The following EDAR variants were observed in gnomAD, a reference collection of about 807,000 sequenced individuals.
EDAR encodes ectodysplasin A receptor.
A neutral mutation model predicts 51.3 loss-of-function variants in EDAR; 38 were observed. The ratio of observed to expected loss-of-function variants is 0.74; its 90% CI spans 0.57 to 0.97. The LOEUF is 0.97. Ranked by LOEUF, EDAR falls within the 50% of genes least tolerant of loss-of-function variation. EDAR has a pLI of 0.00. For synonymous variants in EDAR, 227 were observed against 242.1 expected (o/e 0.94, Z 0.58); for missense variants, 528 against 595.0 (o/e 0.89, Z 1.17).
At chr2:108,985,025 T>C (rs1014406058) in intron 1 of EDAR, among the ~76,000 whole-genome samples, 1 of 152,224 alleles carries the variant, frequency 6.6e-6, no homozygotes, top group African/African-American at 2.4e-5. Context: ...TGCCCTCTCA[T>C]TTTTTGCTTG....
At chr2:108,966,432 C>T (rs916701900) in intron 1 of EDAR, among the ~76,000 whole-genome samples, 1 of 152,248 alleles carries the variant, frequency 6.6e-6, no homozygotes, top group Admixed American at 6.5e-5. Flanking sequence ...TCTGGAGTGA[C>T]TCCTCACAGG....
intron 1 of EDAR, among the ~76,000 whole-genome samples, chr2:108,977,412 G>A (rs1698342140): frequency 6.6e-6 from 1 of 152,206 alleles, no homozygotes; most frequent in Non-Finnish European, 1.5e-5. Context: ...GGGACTACAG[G>A]CACCCGCCAC....
At chr2:108,899,697 C>G (rs1222179627) in intron 11 of EDAR, among the ~76,000 whole-genome samples, 1 of 152,116 alleles carries the variant, frequency 6.6e-6, no homozygotes, top group Non-Finnish European at 1.5e-5. Flanking sequence ...AATAATAACA[C>G]CAGTAAGGCT....
At chr2:108,952,602 T>C (rs2104372981) in intron 1 of EDAR, among the ~76,000 whole-genome samples, 1 of 152,394 alleles carries the variant, frequency 6.6e-6, no homozygotes, top group Admixed American at 6.5e-5. Context: ...ATTCTCCATC[T>C]GTTCACTCAT....
intron 5 of EDAR, among the ~76,000 whole-genome samples, 194 bp downstream of exon 5, chr2:108,923,174 C>T (rs1246680495): frequency 6.6e-6 from 1 of 152,224 alleles, no homozygotes; most frequent in Non-Finnish European, 1.5e-5. Context: ...CAGCCTCTGA[C>T]TCAAGGCTCA....
rs186159504 is a variant in EDAR at position 108,912,077 on chromosome 2, C to T, written c.529+601G>A. 9.8e-5 allele frequency among the ~76,000 whole-genome samples: 15 copies of T among 152,318 alleles called. No individual in the cohort carries two copies. The East Asian group carries it at 2.7e-3, about 27-fold the overall frequency. On this transcript the variant is annotated intron_variant, in intron 6 of 11. Coordinates refer to ENST00000258443, the MANE Select transcript of EDAR (RefSeq NM_022336.4). ...GTGGGAGGCCCAGAGATGAAGCTGA[C>T]GAGCTGGGTGCTCTGAGGGCTCTGG...
At chr2:108,919,689 G>A (rs963594544) in intron 5 of EDAR, among the ~76,000 whole-genome samples, 1 of 152,166 alleles carries the variant, frequency 6.6e-6, no homozygotes, top group East Asian at 1.9e-4. Flanking sequence ...GATTTCTGCT[G>A]CCCAGTGTCC....
At chr2:108,907,158 A>T (rs1251682776) in intron 10 of EDAR, among the ~76,000 whole-genome samples, 1 of 152,198 alleles carries the variant, frequency 6.6e-6, no homozygotes, top group Non-Finnish European at 1.5e-5. Context: ...CAGTTTCTAC[A>T]TGTGAACCTG....
chr2:108,925,121 A>G (rs193183602), intron 4 of EDAR, among the ~76,000 whole-genome samples: 3 of 150,756 alleles, frequency 2.0e-5, no homozygotes, highest in Non-Finnish European at 3.0e-5. Context: ...CTCCAGGGCA[A>G]GCCTTGTTCA....
intron 11 of EDAR, among the ~76,000 whole-genome samples, chr2:108,902,324 G>A (rs367645369): frequency 6.6e-5 from 10 of 152,104 alleles, no homozygotes; most frequent in South Asian, 4.2e-4. Context: ...TGCAGTGAGC[G>A]AGGATTGTGC....
intron 1 of EDAR, among the ~76,000 whole-genome samples, chr2:108,983,553 A>C (rs1189409382): frequency 6.6e-6 from 1 of 152,146 alleles, no homozygotes; most frequent in African/African-American, 2.4e-5. Context: ...TCAAGTCAAC[A>C]ATCCCGCCCT....
intron 1 of EDAR, among the ~76,000 whole-genome samples, chr2:108,954,679 T>C (rs938092173): frequency 6.8e-6 from 1 of 146,500 alleles, no homozygotes; most frequent in African/African-American, 2.5e-5. Flanking sequence ...GAAGATAATC[T>C]TTTTTTTTTT....
chr2:108,983,890 C>T (rs142845611), intron 1 of EDAR, among the ~76,000 whole-genome samples: 11 of 152,288 alleles, frequency 7.2e-5, no homozygotes, highest in Admixed American at 4.6e-4. Flanking sequence ...ATCTCACACC[C>T]GATGCTGGAA....
rs1696564673 is a variant in EDAR at position 108,895,415 on chromosome 2, T to C, written c.*1492A>G. ...CTAACCCCTGGTGTGATCACTAGCC[T>C]GGCTCCTGAGCTCTTGGCAGTTACA... On this transcript the variant is annotated 3_prime_UTR_variant, in exon 12 of 12. Transcript: ENST00000258443. The C allele has an allele frequency of 6.6e-6, 1 of 152,662 alleles. No individual in the cohort carries two copies. Among genetic ancestry groups the C allele is most frequent in the Admixed American group, 6.5e-5 (1 of 15,288 alleles). 9.5% of individuals were successfully genotyped at this position (152,662 alleles called of 1,614,324 possible). A position where few individuals can be genotyped will look rare whatever the true frequency, so the allele number is the denominator to read the frequency against.
At chr2:108,915,437 G>A (rs1322904601) in intron 5 of EDAR, among the ~76,000 whole-genome samples, 2 of 152,230 alleles carry the variant, frequency 1.3e-5, no homozygotes, top group African/African-American at 4.8e-5. Flanking sequence ...GGGCAGCTAT[G>A]TCATAGGGTA....
chr2:108,953,981 G>A (rs1697873547), intron 1 of EDAR, among the ~76,000 whole-genome samples: 1 of 152,166 alleles, frequency 6.6e-6, no homozygotes. Context: ...TTCTTTGGTT[G>A]CTCCTGAAAG....
At position 108,929,240 on chromosome 2, in the gene EDAR, C is replaced by T. The variant is rs1292954166; in HGVS notation, c.314G>A (p.Gly105Glu). The T allele has an allele frequency of 6.2e-7, 1 of 1,614,170 alleles. No homozygotes were observed. The highest frequency in any genetic ancestry group is 8.5e-7 in the Non-Finnish European group (1 of 1,180,042). The change falls in exon 4 of 12, where the codon GGG (glycine) becomes GAG (glutamate). Residue 105 changes from glycine (G) to glutamate (E), a missense_variant. Gly to Glu is a moderately conservative substitution (Grantham distance 98, BLOSUM62 -2). Transcript: ENST00000258443. Reference protein sequence around the residue: ...GFFRATVLTPGDMENDAECGP... With the variant: ...GFFRATVLTPEDMENDAECGP... ...ACACTCAGCGTCATTCTCCATGTCC[C>T]CTGGTGTCAGCACGGTGGCCCGGAA...
rs1201066513 is a variant in EDAR, at chr2:108,910,480, A to T, written c.783T>A (p.Thr261=). The change falls in exon 9 of 12, where the codon ACT becomes ACA. Residue 261 remains threonine (T), a synonymous_variant. Coordinates refer to ENST00000258443, the MANE Select transcript of EDAR (RefSeq NM_022336.4). ...EKDEFEKLTA[T]PAKPTKSEND... Reference sequence around the variant, plus strand: ...CATACCTCTTGGTGGGCTTTGCTGGAGTTGCTGTCAGCTTCTCAAATTCAT... The same window carrying T: ...CATACCTCTTGGTGGGCTTTGCTGGTGTTGCTGTCAGCTTCTCAAATTCAT... 6.2e-7 allele frequency: 1 copy of T among 1,613,730 alleles called. No homozygotes were observed. The highest frequency in any genetic ancestry group is 8.5e-7 in the Non-Finnish European group (1 of 1,179,888).
rs532486205 is a variant in EDAR, at chr2:108,948,112, A to G, written c.-18-17080T>C. Among the ~76,000 whole-genome samples the G allele has an allele frequency of 2.0e-5, 3 of 152,282 alleles. No individual in the cohort carries two copies. The South Asian group carries it at 6.2e-4, about 32-fold the overall frequency. On this transcript the variant is annotated intron_variant, in intron 1 of 11. Coordinates refer to ENST00000258443, the MANE Select transcript of EDAR (RefSeq NM_022336.4). ...CAGATGCCCTAAATCATCTCTCTCA[A>G]TTTCAAAGTTCCACGGATCTCTAGA...
Sources: gnomAD v4.1 joint callset for allele counts (sites outside exome capture counted in the v4.1 genomes callset) on GRCh38, gnomAD v4.1.1 for gene constraint, MANE v1.5 for transcripts, NCBI Gene and HGNC (gene_info 2026-07-23, HGNC 2026-07-21) for gene names.